Variants in ATP2C1 observed in about 807,000 individuals in gnomAD.
ATP2C1 encodes the protein calcium-transporting ATPase type 2C member 1.
ATP2C1 carries 31 observed loss-of-function variants against 120.5 expected under a neutral mutation model. The ratio of observed to expected loss-of-function variants is 0.26; its 90% CI spans 0.19 to 0.35. The LOEUF is 0.35. Ranked by LOEUF, ATP2C1 falls within the 10% of genes least tolerant of loss-of-function variation. ATP2C1 has a pLI of 1.00. For missense variants in ATP2C1, 731 were observed against 1,107.5 expected (o/e 0.66, Z 4.83); for synonymous variants, 351 against 358.7 (o/e 0.98, Z 0.24).
Position 130,979,233 on chromosome 3 carries a change from TTTA to T in ATP2C1, c.1571-10_1571-8del. 1 of 1,613,314 alleles carries T rather than the reference TTTA, an allele frequency of 6.2e-7. No individual in the cohort carries two copies. The highest frequency in any genetic ancestry group is 8.5e-7 in the Non-Finnish European group (1 of 1,179,478). On this transcript the variant is annotated splice_polypyrimidine_tract_variant and intron_variant, in intron 18 of 27. Coordinates refer to ENST00000510168, the MANE Select transcript of ATP2C1 (RefSeq NM_001378687.1). ...CACTTTTTTTTGTTGTTGTTTGGAT[TTTA>T]TTATTTCCTAAGTTCTTGCTTTGGC... is the stretch of plus-strand genomic sequence containing the variant.
chr3:130,932,040 C>G lies in ATP2C1; in HGVS notation c.136C>G (p.Leu46Val), dbSNP rs1193048241. The change falls in exon 4 of 28, where the codon CTA becomes GTA. Residue 46 changes from leucine to valine, a missense_variant. By Grantham distance (32) the Leu-to-Val change is conservative. Transcript: ENST00000510168. ...SILQADLQNG[L>V]NKCEVSHRRA... ...CTAATAGGCTGATCTTCAGAATGGTCTAAACAAATGTGAAGTTAGTCATAG... is the reference window on the plus strand; with the variant it reads ...CTAATAGGCTGATCTTCAGAATGGTGTAAACAAATGTGAAGTTAGTCATAG... The G allele has an allele frequency of 6.2e-7, 1 of 1,610,958 alleles. No homozygotes were observed. Among genetic ancestry groups the G allele is most frequent in the Non-Finnish European group, 8.5e-7 (1 of 1,177,478 alleles).
chr3:130,905,399 T>C (rs1186405296), intron 2 of ATP2C1, among the ~76,000 whole-genome samples: 1 of 152,046 alleles, frequency 6.6e-6, no homozygotes, highest in African/African-American at 2.4e-5. Flanking sequence ...TACTTCCTTC[T>C]CCAAAGGTGA....
intron 17 of ATP2C1, among the ~76,000 whole-genome samples, chr3:130,971,076 G>C (rs1229762702): frequency 5.3e-5 from 8 of 152,150 alleles, no homozygotes; most frequent in Non-Finnish European, 1.0e-4. Flanking sequence ...ATTAAACTTA[G>C]GCGATTTTCA....
At chr3:131,007,215 G>A (rs577795443), downstream of ATP2C1, among the ~76,000 whole-genome samples, 34 of 152,236 alleles carry the variant, frequency 2.2e-4, no homozygotes, top group South Asian at 1.7e-3. Flanking sequence ...TGGTGTTCTC[G>A]TGTACACGTG....
intron 1 of ATP2C1, among the ~76,000 whole-genome samples, chr3:130,882,149 C>CT (rs1184231797): frequency 6.6e-6 from 1 of 151,750 alleles, no homozygotes. Flanking sequence ...AATAATGACT[C>CT]TAAGTTTTTC....
intron 1 of ATP2C1, among the ~76,000 whole-genome samples, chr3:130,883,945 C>CTTTTTTTTTTT (rs35365168): frequency 1.2e-4 from 15 of 122,422 alleles, no homozygotes; most frequent in Non-Finnish European, 2.0e-4. Flanking sequence ...TTCTTTTCTT[C>CTTTTTTTTTTT]TTTTTTTTTT....
chr3:130,893,013 C>A (rs2069241592), upstream of ATP2C1, among the ~76,000 whole-genome samples: 2 of 152,130 alleles, frequency 1.3e-5, no homozygotes, highest in East Asian at 3.8e-4. Flanking sequence ...CTAGCATATA[C>A]GGAAATTTTC....
intron 18 of ATP2C1, among the ~76,000 whole-genome samples, chr3:130,976,962 T>C (rs1189732617): frequency 6.6e-6 from 1 of 152,136 alleles, no homozygotes; most frequent in Non-Finnish European, 1.5e-5. Flanking sequence ...GACCAAACTG[T>C]TTGGAAGCTC....
At chr3:130,969,449 T>A in intron 17 of ATP2C1, 53 bp downstream of exon 17, 1 of 1,422,450 alleles carries the variant, frequency 7.0e-7, no homozygotes, top group Non-Finnish European at 9.9e-7. Context: ...GATGACTATT[T>A]TTTCATTTAC....
chr3:130,962,561 T>C (rs1205328100), intron 12 of ATP2C1, among the ~76,000 whole-genome samples: 1 of 151,654 alleles, frequency 6.6e-6, no homozygotes, highest in South Asian at 2.1e-4. Context: ...TAGTTTTGGG[T>C]TATCATTAAA....
upstream of ATP2C1, among the ~76,000 whole-genome samples, chr3:130,890,138 C>G (rs1189115850): frequency 6.6e-6 from 1 of 151,946 alleles, no homozygotes; most frequent in Admixed American, 6.6e-5. Flanking sequence ...TGTTTTGGGG[C>G]CAGAGGTGAA....
At position 131,002,979 on chromosome 3, in the gene ATP2C1, C is replaced by T; in HGVS notation, c.*1629C>T. Reference sequence around the variant, plus strand: ...TCATTAGTGACTTGATGTCTCATACCTTAATTTTGTAATGATTTTTATTCT... The same window carrying T: ...TCATTAGTGACTTGATGTCTCATACTTTAATTTTGTAATGATTTTTATTCT... On this transcript the variant is annotated 3_prime_UTR_variant, in exon 28 of 28. Transcript: ENST00000510168. The T allele has an allele frequency of 1.0e-6, 1 of 985,568 alleles. No individual in the cohort carries two copies. The allele number at this position is 985,568 out of a possible 1,614,324, so 61.1% of individuals were successfully genotyped here.
chr3:130,969,307 C>T lies in ATP2C1; in HGVS notation c.1324C>T (p.Leu442Phe). ...ALAMKMGLDG[L>F]QQDYIRKAEY... Reference sequence around the variant, plus strand: ...TGCCATATAGATGGGTCTTGATGGACTTCAACAAGACTACATCAGAAAAGC... The same window carrying T: ...TGCCATATAGATGGGTCTTGATGGATTTCAACAAGACTACATCAGAAAAGC... Residue 442 changes from leucine to phenylalanine, a missense_variant, in exon 17 of 28, where the codon CTT (leucine) becomes TTT (phenylalanine). Leu to Phe is a conservative substitution (Grantham distance 22). Around this residue, in one of 3 missense-constraint regions of ATP2C1, gnomAD observed 571 missense variants for 845.9 expected, o/e 0.67. Coordinates refer to ENST00000510168, the MANE Select transcript of ATP2C1 (RefSeq NM_001378687.1). 1 of 1,612,756 alleles carries T rather than the reference C, an allele frequency of 6.2e-7. No homozygotes were observed. The highest frequency in any genetic ancestry group is 1.7e-4 in the Middle Eastern group (1 of 6,052).
At chr3:131,010,911 G>A (rs1393970009) in intron 26 of ATP2C1, among the ~76,000 whole-genome samples, 7 of 152,100 alleles carry the variant, frequency 4.6e-5, no homozygotes, top group Admixed American at 1.3e-4. Context: ...TTTCATGTGC[G>A]GATATAACAA....
chr3:130,986,063 T>C (rs2061995654), intron 20 of ATP2C1, among the ~76,000 whole-genome samples: 1 of 152,224 alleles, frequency 6.6e-6, no homozygotes, highest in African/African-American at 2.4e-5. Context: ...TTCAAGATTA[T>C]GATCCCAGTA....
intron 2 of ATP2C1, chr3:130,919,093 T>C (rs1432807628): frequency 2.2e-6 from 1 of 451,794 alleles, no homozygotes; most frequent in African/African-American, 2.1e-5. Context: ...GACCCCACAC[T>C]TGTTTCCACC....
intron 20 of ATP2C1, among the ~76,000 whole-genome samples, chr3:130,989,706 T>C (rs955825013): frequency 6.6e-6 from 1 of 152,252 alleles, no homozygotes; most frequent in South Asian, 2.1e-4. Context: ...CTTTTGTTCC[T>C]TTGTGTGTTT....
chr3:130,899,931 T>G (rs2070003396), intron 2 of ATP2C1, among the ~76,000 whole-genome samples: 1 of 152,194 alleles, frequency 6.6e-6, no homozygotes, highest in Admixed American at 6.5e-5. Context: ...AATTGCTTTC[T>G]TAAGTAAAGG....
chr3:130,909,880 A>G (rs2058311744), intron 2 of ATP2C1, among the ~76,000 whole-genome samples: 2 of 151,666 alleles, frequency 1.3e-5, no homozygotes. Context: ...ATATTTATTT[A>G]TTGTCAATAG....
Sources: gnomAD v4.1 joint callset for allele counts (sites outside exome capture counted in the v4.1 genomes callset) on GRCh38, gnomAD v4.1.1 for gene constraint, gnomAD v4.1.1 regional missense constraint, MANE v1.5 for transcripts, NCBI Gene and HGNC (gene_info 2026-07-23, HGNC 2026-07-21) for gene names.